CALCOCO2: variants seen among roughly 807,000 people sequenced by gnomAD.
CALCOCO2 encodes the protein calcium-binding and coiled-coil domain-containing protein 2.
Under a neutral mutation model 62.5 loss-of-function variants are expected in CALCOCO2, and 42 were observed. That is an observed-to-expected ratio of 0.67 (90% CI 0.53 to 0.87). The LOEUF is 0.87. CALCOCO2 is among the 40% of genes least tolerant of loss of function. The probability of loss-of-function intolerance (pLI) is 0.00; values close to 1 mark genes in which losing one functional copy is unlikely to be tolerated. For synonymous variants in CALCOCO2, 167 were observed against 173.0 expected (o/e 0.97, Z 0.27); for missense variants, 456 against 515.0 (o/e 0.89, Z 1.11).
At chr17:48,842,131 T>C in intron 2 of CALCOCO2, 1 of 215,140 alleles carries the variant, frequency 4.6e-6, no homozygotes, top group Non-Finnish European at 8.9e-6. Context: ...TTTGTTATGC[T>C]TTTTTTTTTG....
intron 4 of CALCOCO2, 57 bp from the exon 5 acceptor site, chr17:48,849,195 A>G (rs947929028): frequency 1.3e-6 from 2 of 1,568,518 alleles, no homozygotes; most frequent in African/African-American, 1.3e-5. Context: ...ATCCTAACCT[A>G]TGGGAATTTT....
At chr17:48,831,142 C>T (rs1447808643) in intron 1 of CALCOCO2, 64 bp downstream of exon 1, 1 of 152,454 alleles carries the variant, frequency 6.6e-6, no homozygotes, top group Non-Finnish European at 1.5e-5. Context: ...GACTTGCAGT[C>T]CTGAGAAGGG....
chr17:48,836,284 A>G (rs73989214), intron 1 of CALCOCO2, among the ~76,000 whole-genome samples: 17,274 of 152,234 alleles, frequency 0.11, 1,776 homozygotes, highest in African/African-American at 0.28. Flanking sequence ...TGAACCAGCC[A>G]TACCAAGAAG....
At chr17:48,843,039 C>T (rs952191305) in intron 2 of CALCOCO2, among the ~76,000 whole-genome samples, 2 of 152,106 alleles carry the variant, frequency 1.3e-5, no homozygotes, top group African/African-American at 4.8e-5. Context: ...GATACAAATA[C>T]CTCAAATCTG....
chr17:48,847,231 T>C (rs1217178608), intron 2 of CALCOCO2, among the ~76,000 whole-genome samples: 1 of 151,898 alleles, frequency 6.6e-6, no homozygotes, highest in Non-Finnish European at 1.5e-5. Flanking sequence ...TTATGAAAAA[T>C]AATGGGTTTT....
At chr17:48,852,071 A>G (rs1396499314) in intron 7 of CALCOCO2, among the ~76,000 whole-genome samples, 2 of 151,902 alleles carry the variant, frequency 1.3e-5, no homozygotes, top group Non-Finnish European at 2.9e-5. Context: ...CCCGGAGGCA[A>G]AGGTTGCAGT....
intron 1 of CALCOCO2, among the ~76,000 whole-genome samples, chr17:48,833,749 T>TA (rs1477014770): frequency 6.6e-6 from 1 of 152,120 alleles, no homozygotes; most frequent in Non-Finnish European, 1.5e-5. Context: ...CCCACTGGTA[T>TA]AAAAAAGGCT....
intron 10 of CALCOCO2, among the ~76,000 whole-genome samples, chr17:48,859,045 CAAAAAAAAAAAAAAAAAAA>C (rs61643790): frequency 2.8e-5 from 1 of 35,624 alleles, no homozygotes; most frequent in Non-Finnish European, 4.7e-5. Flanking sequence ...GACTCTGTCT[CAAAAAAAAAAAAAAAAAAA>C]AAAAAAAAAG....
chr17:48,849,568 C>A (rs192245568), intron 5 of CALCOCO2, among the ~76,000 whole-genome samples, 191 bp downstream of exon 5: 4 of 152,014 alleles, frequency 2.6e-5, no homozygotes, highest in Non-Finnish European at 5.9e-5. Context: ...TGCAAGGGTG[C>A]GATCCTGGCT....
intron 10 of CALCOCO2, chr17:48,856,645 A>C (rs2546495): frequency 0.51 from 228,256 of 445,506 alleles, 58,909 homozygotes; most frequent in East Asian, 0.84. Context: ...CTGTGCATTC[A>C]TTCATTCATT....
At position 48,856,151 on chromosome 17, in the gene CALCOCO2, G is replaced by A; in HGVS notation, c.972G>A (p.Leu324=). The A allele has an allele frequency of 6.2e-7, 1 of 1,603,940 alleles. No individual in the cohort carries two copies. ...AGAACGAAATTATATGTAATGCTCT[G>A]CAGAGACAGAAAGAGAGATTGGAAG... is the stretch of plus-strand genomic sequence containing the variant. ...LSENEIICNA[L]QRQKERLEGE... Residue 324 remains leucine, a synonymous_variant, in exon 10 of 13, where the codon CTG becomes CTA. Transcript: ENST00000258947.
chr17:48,858,014 G>A (rs1052027861), intron 10 of CALCOCO2, among the ~76,000 whole-genome samples: 1 of 14,306 alleles, frequency 7.0e-5, no homozygotes, highest in Non-Finnish European at 2.5e-4. Context: ...GAATAGAATA[G>A]AATAGAATAG....
intron 5 of CALCOCO2, among the ~76,000 whole-genome samples, chr17:48,850,477 A>T (rs532686815): frequency 1.1e-4 from 17 of 151,840 alleles, no homozygotes; most frequent in South Asian, 4.2e-4. Flanking sequence ...AAAAACAAAA[A>T]ATATATATAT....
At chr17:48,847,940 C>T in intron 2 of CALCOCO2, 124 bp from the exon 3 acceptor site, 1 of 625,056 alleles carries the variant, frequency 1.6e-6, no homozygotes, top group South Asian at 1.9e-5. Flanking sequence ...CAGGCATGAG[C>T]CACTGCACCC....
chr17:48,831,967 A>G (rs191565126), intron 1 of CALCOCO2: 2 of 152,328 alleles, frequency 1.3e-5, no homozygotes, highest in African/African-American at 4.8e-5. Flanking sequence ...TGGAAACTCT[A>G]TCCTTTGGCA....
intron 1 of CALCOCO2, among the ~76,000 whole-genome samples, chr17:48,836,440 T>A (rs1023223520): frequency 1.3e-5 from 2 of 152,238 alleles, no homozygotes; most frequent in African/African-American, 4.8e-5. Context: ...GAGTCACCCT[T>A]ACCATTGTTT....
At chr17:48,834,698 C>G (rs116525802) in intron 1 of CALCOCO2, among the ~76,000 whole-genome samples, 1 of 152,072 alleles carries the variant, frequency 6.6e-6, no homozygotes, top group Admixed American at 6.6e-5. Context: ...GGATGGTAGA[C>G]AGGTTCTATA....
At chr17:48,848,493 T>C in intron 4 of CALCOCO2, 38 bp downstream of exon 4, 1 of 1,589,832 alleles carries the variant, frequency 6.3e-7, no homozygotes, top group African/African-American at 1.3e-5. Context: ...TTACTGCCAT[T>C]ACGGGTAGCA....
Position 48,863,128 on chromosome 17 carries a change from T to C in CALCOCO2, c.*123T>C. On this transcript the variant is annotated 3_prime_UTR_variant, in exon 13 of 13. Transcript: ENST00000258947. ...TTATTAGGGATTTACTCAGCCCTGC[T>C]GCCGCTAACAGTGGAGTTATGTCAC... is the stretch of plus-strand genomic sequence containing the variant. The C allele has an allele frequency of 1.3e-6, 1 of 748,710 alleles. No homozygotes were observed. Among genetic ancestry groups the C allele is most frequent in the Non-Finnish European group, 2.3e-6 (1 of 429,632 alleles). The allele number at this position is 748,710 out of a possible 1,614,324, so 46.4% of individuals were successfully genotyped here.
Sources: gnomAD v4.1 joint callset for allele counts (sites outside exome capture counted in the v4.1 genomes callset) on GRCh38, gnomAD v4.1.1 for gene constraint, MANE v1.5 for transcripts, NCBI Gene and HGNC (gene_info 2026-07-23, HGNC 2026-07-21) for gene names.